Variants in UBA6 observed in about 807,000 individuals in gnomAD.
UBA6 encodes ubiquitin-like modifier-activating enzyme 6.
Under a neutral mutation model 148.3 loss-of-function variants are expected in UBA6, and 87 were observed. That is an observed-to-expected ratio of 0.59 (90% confidence interval 0.49 to 0.70). UBA6 has a LOEUF of 0.70. Among genes scored for constraint, UBA6 ranks in the 30% least tolerant of loss-of-function variants. The pLI is 0.00. For missense variants in UBA6, 1,186 were observed against 1,241.2 expected (o/e 0.96, Z 0.67); for synonymous variants, 376 against 401.0 (o/e 0.94, Z 0.75).
chr4:67,693,425 A>G (rs911585901), intron 2 of UBA6, among the ~76,000 whole-genome samples: 4 of 152,086 alleles, frequency 2.6e-5, no homozygotes, highest in African/African-American at 9.7e-5. Context: ...AGTCAATAGT[A>G]AGGCTATTAG....
chr4:67,641,784 C>A (rs906477222), intron 17 of UBA6, among the ~76,000 whole-genome samples: 1 of 152,060 alleles, frequency 6.6e-6, no homozygotes, highest in Non-Finnish European at 1.5e-5. Context: ...AGGGGCAGAA[C>A]TGATAAGTTG....
At chr4:67,687,485 A>C (rs953564655) in intron 2 of UBA6, among the ~76,000 whole-genome samples, 1 of 152,208 alleles carries the variant, frequency 6.6e-6, no homozygotes, top group Non-Finnish European at 1.5e-5. Flanking sequence ...TGTTAATTCT[A>C]CTGTACCAAT....
chr4:67,646,332 C>T (rs970169031), intron 15 of UBA6, among the ~76,000 whole-genome samples: 3 of 152,086 alleles, frequency 2.0e-5, no homozygotes, highest in Non-Finnish European at 2.9e-5. Context: ...GCTGATAACC[C>T]ACTTAAATCA....
At position 67,689,446 on chromosome 4, in the gene UBA6, T is replaced by C. The variant is rs548886120; in HGVS notation, c.134+7199A>G. ...CTCTTTAATTTTCAGGAAAAATGAA[T>C]TTACATGTATCTGGGCTGTTATAAA... On this transcript the variant is annotated intron_variant, in intron 2 of 32. Coordinates refer to ENST00000322244, the MANE Select transcript of UBA6 (RefSeq NM_018227.6). Among the ~76,000 whole-genome samples, 413 of 152,198 alleles carry C rather than the reference T, an allele frequency of 2.7e-3. 2 individuals are homozygous for C. Among genetic ancestry groups the C allele is most frequent in the Non-Finnish European group, 4.4e-3 (301 of 67,936 alleles).
chr4:67,648,504 T>C (rs555267326), intron 14 of UBA6, among the ~76,000 whole-genome samples: 4 of 150,220 alleles, frequency 2.7e-5, no homozygotes, highest in Non-Finnish European at 5.9e-5. Flanking sequence ...AGATAAATGG[T>C]ATATTCAAAA....
At chr4:67,620,312 G>A (rs1305786817) in intron 32 of UBA6, among the ~76,000 whole-genome samples, 1 of 152,150 alleles carries the variant, frequency 6.6e-6, no homozygotes, top group Admixed American at 6.5e-5. Context: ...CTTTTTAGCT[G>A]CAAAGACTGT....
intron 9 of UBA6, among the ~76,000 whole-genome samples, chr4:67,665,857 T>C (rs1472547793): frequency 6.6e-6 from 1 of 152,122 alleles, no homozygotes; most frequent in African/African-American, 2.4e-5. Context: ...GATAAAAGCA[T>C]GGGAGAAAAA....
chr4:67,648,482 A>T (rs1729475409), intron 14 of UBA6, among the ~76,000 whole-genome samples: 1 of 151,214 alleles, frequency 6.6e-6, no homozygotes, highest in South Asian at 2.1e-4. Context: ...AAAAAAAAAA[A>T]TTAAAAAAAA....
chr4:67,641,662 G>A (rs1729309631), intron 17 of UBA6, among the ~76,000 whole-genome samples: 1 of 147,794 alleles, frequency 6.8e-6, no homozygotes, highest in Admixed American at 6.8e-5. Flanking sequence ...ACAAACTTTG[G>A]TCTTGAACTC....
chr4:67,633,841 T>A (rs1053794922), intron 22 of UBA6, among the ~76,000 whole-genome samples: 2 of 152,136 alleles, frequency 1.3e-5, no homozygotes, highest in Non-Finnish European at 2.9e-5. Context: ...AGAAAACATC[T>A]TTAAAGTTGC....
intron 25 of UBA6, 85 bp downstream of exon 25, chr4:67,631,623 T>C (rs1234745446): frequency 9.8e-7 from 1 of 1,017,144 alleles, no homozygotes; most frequent in East Asian, 2.6e-5. Flanking sequence ...GAGCCTAAGG[T>C]TTTCACTCTG....
rs185786248 is a variant in UBA6, at chr4:67,685,904, C to T, written c.135-3691G>A. 5.9e-5 allele frequency among the ~76,000 whole-genome samples: 9 copies of T among 152,254 alleles called. 1 individual carries two copies. The highest frequency in any genetic ancestry group is 2.2e-4 in the African/African-American group (9 of 41,546). On this transcript the variant is annotated intron_variant, in intron 2 of 32. Transcript: ENST00000322244. ...CCATAACTGTGAGCCAAATAAATTT[C>T]TGTTTAGTCACCAAAGGGAAAGGTA...
chr4:67,653,934 T>G (rs997523596), intron 13 of UBA6, among the ~76,000 whole-genome samples: 6 of 152,090 alleles, frequency 3.9e-5, no homozygotes, highest in Non-Finnish European at 8.8e-5. Flanking sequence ...AGAAAGGATA[T>G]CAGTGATTGA....
intron 7 of UBA6, among the ~76,000 whole-genome samples, chr4:67,670,837 A>AATTCCATG (rs4058464): frequency 0.23 from 34,819 of 152,036 alleles, 4,121 homozygotes; most frequent in Middle Eastern, 0.3. Flanking sequence ...CATCTTTATA[A>AATTCCATG]ATTTTTAAAT....
intron 13 of UBA6, among the ~76,000 whole-genome samples, chr4:67,655,274 G>A (rs1293982184): frequency 6.6e-6 from 1 of 152,090 alleles, no homozygotes; most frequent in African/African-American, 2.4e-5. Context: ...TTCTAAAATT[G>A]ACCACATAAT....
At chr4:67,684,277 T>C (rs1357989760) in intron 2 of UBA6, among the ~76,000 whole-genome samples, 2 of 152,204 alleles carry the variant, frequency 1.3e-5, no homozygotes, top group East Asian at 3.8e-4. Flanking sequence ...CCTACACTAA[T>C]AAATCTAATT....
chr4:67,641,134 A>G lies in UBA6; in HGVS notation c.1554+17T>C. ...GTATAATACATGATTTAAATTTGAA[A>G]CAGAATAGCAACATACCTGTATGTG... On this transcript the variant is annotated intron_variant, in intron 18 of 32. Transcript: ENST00000322244. 2.0e-6 allele frequency: 3 copies of G among 1,495,272 alleles called. No homozygotes were observed. The highest frequency in any genetic ancestry group is 2.7e-6 in the Non-Finnish European group (3 of 1,100,764). 92.6% of individuals were successfully genotyped at this position (1,495,272 alleles called of 1,614,324 possible).
In UBA6 at chr4:67,623,193, C is replaced by T. The variant is rs766877225; in HGVS notation, c.2870G>A (p.Arg957Gln). The T allele has an allele frequency of 1.2e-5, 19 of 1,612,218 alleles. No homozygotes were observed. The highest frequency in any genetic ancestry group is 2.2e-5 in the South Asian group (2 of 90,916). Reference sequence around the variant, plus strand: ...ATCTTCTTTTCCATGTACGGTCCATCGATCCCAAATTGTAAATGATATTCC... The same window carrying T: ...ATCTTCTTTTCCATGTACGGTCCATTGATCCCAAATTGTAAATGATATTCC... ...RNGISFTIWDRWTVHGKEDFT... is the reference protein window; with the variant it reads ...RNGISFTIWDQWTVHGKEDFT... The change falls in exon 31 of 33, where the codon CGA becomes CAA. Residue 957 changes from arginine to glutamine, a missense_variant. Coordinates refer to ENST00000322244, the MANE Select transcript of UBA6 (RefSeq NM_018227.6).
intron 12 of UBA6, 160 bp from the exon 13 acceptor site, chr4:67,662,415 A>C: frequency 1.8e-6 from 1 of 541,906 alleles, no homozygotes; most frequent in Non-Finnish European, 3.2e-6. Flanking sequence ...ATTGGCTTAT[A>C]AATACATTAC....
Sources: gnomAD v4.1 joint callset for allele counts (sites outside exome capture counted in the v4.1 genomes callset) on GRCh38, gnomAD v4.1.1 for gene constraint, MANE v1.5 for transcripts, NCBI Gene and HGNC (gene_info 2026-07-23, HGNC 2026-07-21) for gene names.